CORO2B: variants seen among roughly 807,000 people sequenced by gnomAD.
CORO2B encodes coronin 2B, also known as coronin-2B.
Under a neutral mutation model 58.8 loss-of-function variants are expected in CORO2B, and 26 were observed. That is an observed-to-expected ratio of 0.44 (90% confidence interval 0.32 to 0.61). The LOEUF (loss-of-function observed/expected upper bound fraction) is 0.61. Ranked by LOEUF, CORO2B falls within the 20% of genes least tolerant of loss-of-function variation. The pLI is 0.04. For missense variants in CORO2B, 460 were observed against 645.1 expected, an observed-to-expected ratio of 0.71 and a Z score of 3.11; for synonymous variants, 242 against 253.8, an observed-to-expected ratio of 0.95 and a Z score of 0.44.
At chr15:68,662,179 A>G (rs1210284201) in intron 2 of CORO2B, among the ~76,000 whole-genome samples, 1 of 152,154 alleles carries the variant, frequency 6.6e-6, no homozygotes, top group African/African-American at 2.4e-5. Context: ...TTCTTTCAAA[A>G]TGATCAAACC....
In CORO2B at chr15:68,705,432, A is replaced by G. The variant is rs1209613635; in HGVS notation, c.334-5300A>G. ...TAGCCTGGGCAAAAGGTGAAACTCT[A>G]TCTCAAAAAAAAAAAAAAAAAAGAA... On this transcript the variant is annotated intron_variant, in intron 3 of 11. Coordinates refer to ENST00000261861, the MANE Select transcript of CORO2B (RefSeq NM_006091.5). Among the ~76,000 whole-genome samples, 7 of 101,262 alleles carry G rather than the reference A, an allele frequency of 6.9e-5. No homozygotes were observed. The East Asian group carries it at 3.0e-3, about 43-fold the overall frequency. The allele number at this position is 101,262 out of a possible 152,430, so 66.4% of individuals were successfully genotyped here.
intron 8 of CORO2B, among the ~76,000 whole-genome samples, chr15:68,715,974 A>C (rs1729824375): frequency 1.3e-5 from 2 of 152,158 alleles, no homozygotes; most frequent in Admixed American, 1.3e-4. Context: ...TCCCGTTCCC[A>C]CCTCTGCGGG....
At chr15:68,532,953 T>C in the CORO2B span, among the ~76,000 whole-genome samples, 1 of 152,252 alleles carries the variant, frequency 6.6e-6, no homozygotes. Flanking sequence ...CATTGTTCTT[T>C]GCCTGAATTC....
intron 2 of CORO2B, among the ~76,000 whole-genome samples, chr15:68,664,055 A>G (rs1902104255): frequency 6.6e-6 from 1 of 152,240 alleles, no homozygotes; most frequent in Admixed American, 6.5e-5. Flanking sequence ...CTCATACTAC[A>G]CTGCTGGGAG....
intron 2 of CORO2B, among the ~76,000 whole-genome samples, chr15:68,681,235 T>C (rs201316641): frequency 7.1e-6 from 1 of 140,172 alleles, no homozygotes; most frequent in Non-Finnish European, 1.6e-5. Flanking sequence ...AATTTTTTTT[T>C]GGAAAGAAAA....
chr15:68,693,448 T>C (rs771238627), intron 2 of CORO2B, among the ~76,000 whole-genome samples: 1 of 152,132 alleles, frequency 6.6e-6, no homozygotes, highest in Non-Finnish European at 1.5e-5. Flanking sequence ...CTCCTAGACT[T>C]CCCTCTTTTC....
At chr15:68,548,574 G>C in the CORO2B span, among the ~76,000 whole-genome samples, 4 of 152,116 alleles carry the variant, frequency 2.6e-5, no homozygotes, top group South Asian at 2.1e-4. Context: ...ACATATGAAA[G>C]TTTCTCTAGG....
intron 6 of CORO2B, 140 bp downstream of exon 6, chr15:68,714,181 C>T (rs1892981013): frequency 1.6e-6 from 1 of 627,470 alleles, no homozygotes; most frequent in Admixed American, 2.9e-5. Flanking sequence ...GACAGAGACC[C>T]CCAGAGGCCG....
In CORO2B at chr15:68,683,257, C is replaced by T. The variant is rs145628939; in HGVS notation, c.217-11883C>T. On this transcript the variant is annotated intron_variant, in intron 2 of 11. Coordinates refer to ENST00000261861, the MANE Select transcript of CORO2B (RefSeq NM_006091.5). ...GTTCAGGAAGGCCTCTGGTGGGGAG[C>T]CTGAAGGACGAAGGCCTGTTTGGGG... Among the ~76,000 whole-genome samples the T allele has an allele frequency of 4.6e-5, 7 of 152,258 alleles. No individual in the cohort carries two copies. In the East Asian group the frequency reaches 1.2e-3, roughly 25 times the overall value.
At chr15:68,590,292 T>G (rs1306465181) in intron 1 of CORO2B, among the ~76,000 whole-genome samples, 3 of 151,768 alleles carry the variant, frequency 2.0e-5, no homozygotes, top group African/African-American at 7.3e-5. Flanking sequence ...AGCCACAAAC[T>G]CAGTGGGCCT....
At chr15:68,701,478 ATTTT>A (rs71145193) in intron 3 of CORO2B, among the ~76,000 whole-genome samples, 12 of 38,848 alleles carry the variant, frequency 3.1e-4, no homozygotes, top group African/African-American at 6.9e-4. Flanking sequence ...CGCCCGGCTA[ATTTT>A]TTTTTTTTTT....
the CORO2B span, among the ~76,000 whole-genome samples, chr15:68,555,344 C>T: frequency 6.6e-6 from 1 of 152,238 alleles, no homozygotes; most frequent in Non-Finnish European, 1.5e-5. Context: ...GTCCAGGTCT[C>T]TTCTTTTGCA....
At chr15:68,611,349 C>T (rs981520708) in intron 1 of CORO2B, among the ~76,000 whole-genome samples, 3 of 152,288 alleles carry the variant, frequency 2.0e-5, no homozygotes, top group Admixed American at 2.0e-4. Flanking sequence ...GCCCTACCCT[C>T]CCAAGGTACC....
chr15:68,640,901 C>T (rs977275717), intron 1 of CORO2B, among the ~76,000 whole-genome samples: 2 of 152,188 alleles, frequency 1.3e-5, no homozygotes, highest in African/African-American at 4.8e-5. Flanking sequence ...TTCCCAAGGT[C>T]AGTAGGAGTC....
At chr15:68,619,751 A>ATG (rs1441344921) in intron 1 of CORO2B, among the ~76,000 whole-genome samples, 6 of 150,442 alleles carry the variant, frequency 4.0e-5, no homozygotes, top group African/African-American at 1.5e-4. Context: ...GAGTGCGTGC[A>ATG]TGCGTGTGTG....
intron 1 of CORO2B, among the ~76,000 whole-genome samples, chr15:68,610,555 C>T (rs919351499): frequency 6.6e-6 from 1 of 152,128 alleles, no homozygotes; most frequent in South Asian, 2.1e-4. Context: ...TCCCATCCTT[C>T]CATCACAAAG....
intron 1 of CORO2B, among the ~76,000 whole-genome samples, chr15:68,633,279 C>G (rs1900905954): frequency 6.6e-6 from 1 of 152,094 alleles, no homozygotes; most frequent in Non-Finnish European, 1.5e-5. Flanking sequence ...CAAGACTCCT[C>G]TTTCCTTGCT....
chr15:68,537,696 C>T, the CORO2B span, among the ~76,000 whole-genome samples: 1 of 152,158 alleles, frequency 6.6e-6, no homozygotes, highest in Non-Finnish European at 1.5e-5. Context: ...TCCCTGTGCC[C>T]ACGTGTTCAC....
chr15:68,559,520 G>T, the CORO2B span: 1 of 865,134 alleles, frequency 1.2e-6, no homozygotes. This position sits in a 1 kb window ranked among gnomAD's most constrained non-coding sequence, Gnocchi z 4.3. Context: ...GTGGTGAGGG[G>T]GTAGCGGGGA....
Sources: allele counts gnomAD v4.1 joint callset (sites outside exome capture counted in the v4.1 genomes callset), GRCh38; gene constraint gnomAD v4.1.1; non-coding constraint Gnocchi (gnomAD v3.1); transcripts MANE v1.5; gene names NCBI Gene and HGNC (gene_info 2026-07-23, HGNC 2026-07-21).